CAPRIN2: variants seen among roughly 807,000 people sequenced by gnomAD.
CAPRIN2 encodes caprin-2.
Under a neutral mutation model 130.4 loss-of-function variants are expected in CAPRIN2, and 66 were observed. The ratio of observed to expected loss-of-function variants is 0.51; its 90% confidence interval spans 0.42 to 0.62. CAPRIN2 has a LOEUF of 0.62. Among genes scored for constraint, CAPRIN2 ranks in the 20% least tolerant of loss-of-function variants. The pLI is 0.00. For missense variants in CAPRIN2, 1,185 were observed against 1,246.6 expected, an observed-to-expected ratio of 0.95 and a Z score of 0.74; for synonymous variants, 471 against 444.1, an observed-to-expected ratio of 1.06 and a Z score of -0.76.
At chr12:30,733,841 G>T in intron 4 of CAPRIN2, 130 bp from the exon 6 acceptor site, 1 of 651,352 alleles carries the variant, frequency 1.5e-6, no homozygotes, top group Non-Finnish European at 2.7e-6. Context: ...TTTGCTCTTT[G>T]GAAATAAAAA....
chr12:30,736,883 C>T (rs2065075372), intron 3 of CAPRIN2, among the ~76,000 whole-genome samples: 1 of 152,198 alleles, frequency 6.6e-6, no homozygotes, highest in Non-Finnish European at 1.5e-5. Flanking sequence ...ATTCACAGGG[C>T]ATCTTCAGAC....
At chr12:30,723,093 G>A (rs1009170477) in intron 11 of CAPRIN2, among the ~76,000 whole-genome samples, 166 bp downstream of exon 12, 7 of 152,222 alleles carry the variant, frequency 4.6e-5, no homozygotes, top group African/African-American at 1.2e-4. Context: ...AGTCATCGGG[G>A]AATCATTTTA....
At chr12:30,715,029 T>C (rs755946559) in exon 14 of CAPRIN2, 1 of 1,614,030 alleles carries the variant, frequency 6.2e-7, no homozygotes, top group Non-Finnish European at 8.5e-7. Flanking sequence ...CTCTAACAGA[T>C]CCCCGGCTAT....
rs2053898687 is a variant in CAPRIN2 at position 30,710,386 on chromosome 12, G to T, written c.2750C>A (p.Ser917Tyr). ...CACATCCACAGGGGTCATGCTACGG[G>T]AGTCTCCTTGTCCAGAGTCACCACT... The change falls in exon 17 of 17, where the codon TCC becomes TAC. Residue 917 changes from serine (S) to tyrosine (Y), a missense_variant. By Grantham distance (144) the Ser-to-Tyr change is moderately radical. Around this residue, in one of 2 missense-constraint regions of CAPRIN2, gnomAD observed 1,104 missense variants for 1,104.3 expected, o/e 1.00. Transcript: ENST00000298892. The surrounding 1 kb of genome is among the most constrained non-coding windows in gnomAD (Gnocchi z 4.8). The T allele has an allele frequency of 6.2e-7, 1 of 1,613,998 alleles. No individual in the cohort carries two copies. Among genetic ancestry groups the T allele is most frequent in the Admixed American group, 1.7e-5 (1 of 60,004 alleles).
exon 1 of CAPRIN2, chr12:30,753,647 A>C (rs773333981): frequency 6.2e-7 from 1 of 1,614,180 alleles, no homozygotes. Context: ...TAAAATTAGG[A>C]CTAGAGGGAC....
At chr12:30,734,989 G>T in exon 4 of CAPRIN2, 1 of 1,612,590 alleles carries the variant, frequency 6.2e-7, no homozygotes, top group Non-Finnish European at 8.5e-7. Flanking sequence ...ATTTCTTTCA[G>T]GGCAGGTCAG....
chr12:30,741,195 T>C, intron 2 of CAPRIN2, 89 bp from the exon 4 acceptor site: 1 of 707,132 alleles, frequency 1.4e-6, no homozygotes. Context: ...GTAGAAGAGA[T>C]TTAAGATCTT....
At chr12:30,713,096 G>T (rs2055830258) in intron 15 of CAPRIN2, among the ~76,000 whole-genome samples, 1 of 152,088 alleles carries the variant, frequency 6.6e-6, no homozygotes, top group Non-Finnish European at 1.5e-5. Flanking sequence ...CTATGTAACT[G>T]TAAGTTCTTC....
intron 2 of CAPRIN2, among the ~76,000 whole-genome samples, chr12:30,746,400 A>C (rs182531909): frequency 2.0e-5 from 3 of 152,334 alleles, no homozygotes; most frequent in African/African-American, 7.2e-5. Context: ...CTTAAAAACA[A>C]ACACACACCG....
intron 11 of CAPRIN2, among the ~76,000 whole-genome samples, chr12:30,722,269 A>C (rs2059642694): frequency 6.6e-6 from 1 of 152,224 alleles, no homozygotes; most frequent in Non-Finnish European, 1.5e-5. Flanking sequence ...ATTTGAAACC[A>C]ATGTTCCAAA....
rs141946989 is a variant in CAPRIN2, at chr12:30,718,244, A to G, written c.2149-1568T>C. On this transcript the variant is annotated intron_variant, in intron 12 of 16. Coordinates refer to ENST00000298892, the Ensembl canonical transcript of CAPRIN2. ...TAAAACCAATGTGGCTATACTGTGCAGGATGAACTGACAGGAAAAGAGTGA... is the reference window on the plus strand; with the variant it reads ...TAAAACCAATGTGGCTATACTGTGCGGGATGAACTGACAGGAAAAGAGTGA... Among the ~76,000 whole-genome samples, 107 of 152,370 alleles carry G rather than the reference A, an allele frequency of 7.0e-4. 2 individuals are homozygous for G. The East Asian group carries it at 0.015, about 21-fold the overall frequency.
chr12:30,736,905 A>G (rs1211220991), intron 3 of CAPRIN2, among the ~76,000 whole-genome samples: 2 of 152,216 alleles, frequency 1.3e-5, no homozygotes, highest in Admixed American at 6.5e-5. Context: ...ATTATACCAC[A>G]TGATTATCTC....
intron 3 of CAPRIN2, 85 bp from the exon 5 acceptor site, chr12:30,735,291 T>G: frequency 2.1e-6 from 2 of 952,004 alleles, no homozygotes; most frequent in South Asian, 1.4e-5. Context: ...TAAACCCAAA[T>G]AGCTGAGATT....
chr12:30,746,125 T>A (rs2070144052), intron 2 of CAPRIN2, among the ~76,000 whole-genome samples: 1 of 115,942 alleles, frequency 8.6e-6, no homozygotes, highest in Admixed American at 7.4e-5. Context: ...ACTGCCACGA[T>A]ATTAAAAACA....
At chr12:30,718,707 A>C (rs932348073) in intron 12 of CAPRIN2, among the ~76,000 whole-genome samples, 1 of 152,230 alleles carries the variant, frequency 6.6e-6, no homozygotes, top group African/African-American at 2.4e-5. Flanking sequence ...CCGGTATTTC[A>C]GGTTACTGAT....
intron 7 of CAPRIN2, 40 bp from the exon 9 acceptor site, chr12:30,729,365 A>G: frequency 7.0e-7 from 1 of 1,429,990 alleles, no homozygotes; most frequent in Non-Finnish European, 9.5e-7. Flanking sequence ...CAAAATTCAT[A>G]GAAGACCTTG....
intron 2 of CAPRIN2, among the ~76,000 whole-genome samples, chr12:30,749,330 G>A (rs1179740917): frequency 6.6e-6 from 1 of 152,182 alleles, no homozygotes; most frequent in Non-Finnish European, 1.5e-5. Flanking sequence ...TACCACCAGA[G>A]GGGAACAAAT....
In CAPRIN2 at chr12:30,725,606, TCATTTTCTGTA is replaced by T. The variant is rs2060673140; in HGVS notation, c.1905+349_1905+359del. On this transcript the variant is annotated intron_variant, in intron 9 of 16. Coordinates refer to ENST00000298892, the Ensembl canonical transcript of CAPRIN2. Reference sequence around the variant, plus strand: ...AAATTCCTTGAAGGCAATGAATGTCTCATTTTCTGTATCTGTACTACAATGGTATCTAACAA... The same window carrying T: ...AAATTCCTTGAAGGCAATGAATGTCTTCTGTACTACAATGGTATCTAACAA... 2.0e-5 allele frequency among the ~76,000 whole-genome samples: 3 copies of T among 152,330 alleles called. No homozygotes were observed. In the South Asian group the frequency reaches 6.2e-4, roughly 32 times the overall value.
At chr12:30,749,369 C>T (rs2072479552) in intron 2 of CAPRIN2, among the ~76,000 whole-genome samples, 1 of 152,206 alleles carries the variant, frequency 6.6e-6, no homozygotes, top group East Asian at 1.9e-4. Context: ...GAATAACCAT[C>T]TTGACTTGCA....
Sources: gnomAD v4.1 joint callset for allele counts (sites outside exome capture counted in the v4.1 genomes callset) on GRCh38, gnomAD v4.1.1 for gene constraint, gnomAD v4.1.1 regional missense constraint, Gnocchi (gnomAD v3.1) non-coding constraint, MANE v1.5 for transcripts, NCBI Gene and HGNC (gene_info 2026-07-23, HGNC 2026-07-21) for gene names.